MEF2A: variants seen among roughly 807,000 people sequenced by gnomAD.
The protein encoded by MEF2A is myocyte-specific enhancer factor 2A.
MEF2A carries 28 observed loss-of-function variants against 55.8 expected under a neutral mutation model. The ratio of observed to expected loss-of-function variants is 0.50; its 90% confidence interval spans 0.37 to 0.69. MEF2A has a LOEUF of 0.69. MEF2A is among the 30% of genes least tolerant of loss of function. The pLI is 0.00. For missense variants in MEF2A, 528 were observed against 626.2 expected (o/e 0.84, Z 1.67); for synonymous variants, 239 against 227.1 (o/e 1.05, Z -0.47).
At position 99,703,347 on chromosome 15, in the gene MEF2A, A is replaced by G. The variant is rs1405365717; in HGVS notation, c.859-15A>G. The stretch of plus-strand genomic sequence containing the variant: ...TCTTAGTAACTCTCTTATCCCTCTT[A>G]TGTGCTGAGTACAGTCGGAGGAAGA... On this transcript the variant is annotated splice_polypyrimidine_tract_variant and intron_variant, in intron 8 of 11. Coordinates refer to ENST00000557942, the MANE Select transcript of MEF2A (RefSeq NM_001319206.4). The G allele has an allele frequency of 2.5e-6, 4 of 1,612,534 alleles. No individual in the cohort carries two copies. The highest frequency in any genetic ancestry group is 2.5e-6 in the Non-Finnish European group (3 of 1,179,032).
chr15:99,677,123 A>AAAATAAAT (rs549883041), intron 7 of MEF2A, among the ~76,000 whole-genome samples: 9 of 151,522 alleles, frequency 5.9e-5, no homozygotes, highest in Admixed American at 3.3e-4. Flanking sequence ...CGCTGTCTCA[A>AAAATAAAT]AAATAAATAA....
rs75818537 is a variant in MEF2A at position 99,604,703 on chromosome 15, G to A, written c.-143+6192G>A. 1.4e-3 allele frequency among the ~76,000 whole-genome samples: 205 copies of A among 150,528 alleles called. 6 individuals are homozygous for A. The East Asian group carries it at 0.031, about 23-fold the overall frequency. ...GTGGTTTGACATTGTTGGGCTTAGG[G>A]GTTTTGTTTTTTTTTTTTGGTATCT... On this transcript the variant is annotated intron_variant, in intron 2 of 11. Coordinates refer to ENST00000557942, the MANE Select transcript of MEF2A (RefSeq NM_001319206.4).
chr15:99,641,021 C>T (rs1030607938), intron 3 of MEF2A, among the ~76,000 whole-genome samples: 3 of 152,066 alleles, frequency 2.0e-5, no homozygotes, highest in East Asian at 1.9e-4. Context: ...TGATCTCGCA[C>T]GTATTTGCAC....
At chr15:99,569,594 A>G (rs1451957154) in intron 1 of MEF2A, among the ~76,000 whole-genome samples, 2 of 152,342 alleles carry the variant, frequency 1.3e-5, no homozygotes, top group Admixed American at 6.5e-5. Flanking sequence ...CAAGTTAAAT[A>G]TAAATAGTTT....
chr15:99,666,247 C>G (rs1480009280), intron 4 of MEF2A, among the ~76,000 whole-genome samples: 1 of 152,050 alleles, frequency 6.6e-6, no homozygotes, highest in Admixed American at 6.5e-5. Context: ...CCATGGAATA[C>G]TATGCAGCCA....
intron 7 of MEF2A, among the ~76,000 whole-genome samples, chr15:99,689,439 T>C (rs1184497407): frequency 6.6e-6 from 1 of 152,162 alleles, no homozygotes; most frequent in Admixed American, 6.5e-5. Context: ...CCTCCATTAT[T>C]TTAGTCCCCA....
At chr15:99,702,137 A>G (rs114122588) in intron 8 of MEF2A, among the ~76,000 whole-genome samples, 1 of 152,376 alleles carries the variant, frequency 6.6e-6, no homozygotes, top group African/African-American at 2.4e-5. Context: ...ATGTAAAGAT[A>G]TCTATAACAA....
intron 2 of MEF2A, among the ~76,000 whole-genome samples, chr15:99,625,687 G>C (rs571387505): frequency 1.3e-5 from 2 of 152,070 alleles, no homozygotes; most frequent in African/African-American, 4.8e-5. Context: ...TATCATAAAG[G>C]GTGTTGTATT....
chr15:99,644,632 T>C (rs1016667951), intron 3 of MEF2A, among the ~76,000 whole-genome samples: 2 of 152,250 alleles, frequency 1.3e-5, no homozygotes, highest in African/African-American at 4.8e-5. Context: ...GAACTTTATG[T>C]TGTTGCACAA....
chr15:99,576,116 A>G (rs1964184855), intron 1 of MEF2A, among the ~76,000 whole-genome samples: 1 of 152,234 alleles, frequency 6.6e-6, no homozygotes, highest in African/African-American at 2.4e-5. Flanking sequence ...TTTAGAAACC[A>G]GAAACCAGGC....
At chr15:99,569,825 CTTTGA>C (rs1440498289) in intron 1 of MEF2A, among the ~76,000 whole-genome samples, 2 of 151,700 alleles carry the variant, frequency 1.3e-5, no homozygotes, top group Non-Finnish European at 2.9e-5. Context: ...TTTTAAAATA[CTTTGA>C]TTTGGTGTGA....
intron 2 of MEF2A, among the ~76,000 whole-genome samples, chr15:99,628,693 C>A (rs1286908069): frequency 6.6e-6 from 1 of 152,090 alleles, no homozygotes; most frequent in East Asian, 1.9e-4. Flanking sequence ...ATTTTGCTAT[C>A]CTCCCCTATT....
At chr15:99,677,877 A>AT (rs1181078469) in intron 7 of MEF2A, among the ~76,000 whole-genome samples, 1 of 152,170 alleles carries the variant, frequency 6.6e-6, no homozygotes, top group Non-Finnish European at 1.5e-5. Context: ...AATAACAAAG[A>AT]TACAAGCATT....
intron 4 of MEF2A, among the ~76,000 whole-genome samples, chr15:99,648,855 G>A (rs760641556): frequency 3.3e-5 from 5 of 152,132 alleles, no homozygotes; most frequent in Admixed American, 6.5e-5. Context: ...CAGGACGCAC[G>A]TGTATTAGGT....
At chr15:99,691,976 A>T (rs2055572485) in intron 8 of MEF2A, among the ~76,000 whole-genome samples, 1 of 152,210 alleles carries the variant, frequency 6.6e-6, no homozygotes, top group South Asian at 2.1e-4. Flanking sequence ...AAAAACTAGA[A>T]TATATAATCA....
intron 8 of MEF2A, among the ~76,000 whole-genome samples, chr15:99,695,854 C>T (rs111337385): frequency 1.4e-4 from 12 of 84,820 alleles, no homozygotes; most frequent in East Asian, 3.9e-4. Flanking sequence ...AGTGAAACTC[C>T]GTCTCAAAAA....
intron 2 of MEF2A, among the ~76,000 whole-genome samples, chr15:99,601,807 TTGTGTGTGTGTGTGTGTG>T (rs56729766): frequency 0.22 from 30,146 of 138,792 alleles, 3,457 homozygotes; most frequent in South Asian, 0.32. Context: ...TTTGTCTGTT[TTGTGTGTGTGTGTGTGTG>T]TGTGTGTGTG....
chr15:99,613,319 A>G (rs2039626898), intron 2 of MEF2A, among the ~76,000 whole-genome samples: 1 of 152,224 alleles, frequency 6.6e-6, no homozygotes, highest in Non-Finnish European at 1.5e-5. Flanking sequence ...ATTGAGAACC[A>G]CTGCATTAGA....
Position 99,712,761 on chromosome 15 carries a change from G to A in MEF2A, c.1508G>A (p.Trp503Ter), listed in dbSNP as rs761387435. ...GTAAAGCGAATGAGGATGGACGCGT[G>A]GGTGACCTAAGGCTTCCAAGCTGAT... ...PSVKRMRMDA[W>*]VT The change falls in exon 12 of 12, where the codon TGG (tryptophan) becomes TAG (stop). Residue 503 changes from tryptophan (W) to a stop codon, truncating the protein, a stop_gained. Transcript: ENST00000557942. LOFTEE classifies it high-confidence loss of function. The surrounding 1 kb of genome is among the most constrained non-coding windows in gnomAD (Gnocchi z 4.1). 7 of 1,556,684 alleles carry A rather than the reference G, an allele frequency of 4.5e-6. No homozygotes were observed. Among genetic ancestry groups the A allele is most frequent in the Non-Finnish European group, 5.2e-6 (6 of 1,149,814 alleles).
Sources: allele counts gnomAD v4.1 joint callset (sites outside exome capture counted in the v4.1 genomes callset), GRCh38; gene constraint gnomAD v4.1.1; non-coding constraint Gnocchi (gnomAD v3.1); transcripts MANE v1.5; gene names NCBI Gene and HGNC (gene_info 2026-07-23, HGNC 2026-07-21).